NIT2: variants seen among roughly 807,000 people sequenced by gnomAD.
NIT2 encodes the protein nitrilase family member 2, also known as omega-amidase NIT2.
NIT2 carries 46 observed loss-of-function variants against 42.7 expected under a neutral mutation model. The observed-to-expected ratio is 1.08, with a 90% CI of 0.85 to 1.38. NIT2 has a LOEUF of 1.38. NIT2 is among the 40% of genes most tolerant of loss of function. The pLI is 0.00. For synonymous variants in NIT2, 123 were observed against 121.9 expected, an observed-to-expected ratio of 1.01 and a Z score of -0.06; for missense variants, 309 against 342.5, an observed-to-expected ratio of 0.90 and a Z score of 0.77.
chr3:100,339,145 T>C lies in NIT2; in HGVS notation c.66T>C (p.Thr22=). ...QISSIKSDNV[T]RACSFIREAA... The stretch of plus-strand genomic sequence containing the variant: ...CTTCCATCAAATCAGATAACGTCAC[T>C]CGCGCTTGTAGCTTCATCCGGGAGG... Residue 22 remains threonine, a synonymous_variant, in exon 2 of 10, where the codon ACT becomes ACC. Transcript: ENST00000394140. 1.2e-6 allele frequency: 2 copies of C among 1,614,088 alleles called. No homozygotes were observed. The highest frequency in any genetic ancestry group is 1.7e-6 in the Non-Finnish European group (2 of 1,180,002).
intron 8 of NIT2, among the ~76,000 whole-genome samples, chr3:100,352,705 C>CA (rs1315696540): frequency 6.6e-6 from 1 of 152,242 alleles, no homozygotes. Flanking sequence ...ACCCTGCTCT[C>CA]ATGATCAAGC....
chr3:100,349,463 T>A (rs542892531), intron 7 of NIT2: 1 of 152,438 alleles, frequency 6.6e-6, no homozygotes, highest in East Asian at 1.9e-4. Context: ...TGGGAAGGGA[T>A]TTCATTTTTC....
rs369732371 is a variant in NIT2 at position 100,339,159 on chromosome 3, T to C, written c.80T>C (p.Phe27Ser). The part of the protein sequence containing the change: ...KSDNVTRACS[F>S]IREAATQGAK... ...GATAACGTCACTCGCGCTTGTAGCTTCATCCGGGAGGCAGCAACGCAAGGA... is the reference window on the plus strand; with the variant it reads ...GATAACGTCACTCGCGCTTGTAGCTCCATCCGGGAGGCAGCAACGCAAGGA... Residue 27 changes from phenylalanine (F) to serine (S), a missense_variant, in exon 2 of 10, where the codon TTC becomes TCC. Transcript: ENST00000394140. 1.1e-5 allele frequency: 17 copies of C among 1,613,964 alleles called. No homozygotes were observed. The highest frequency in any genetic ancestry group is 1.3e-5 in the African/African-American group (1 of 74,902).
chr3:100,340,078 T>G (rs1194311129), intron 3 of NIT2, 143 bp downstream of exon 3: 2 of 657,220 alleles, frequency 3.0e-6, no homozygotes, highest in Non-Finnish European at 4.9e-6. Context: ...TCTTATTTAT[T>G]TATTTTTTTT....
chr3:100,342,329 CTG>C (rs1706165857), intron 4 of NIT2, among the ~76,000 whole-genome samples: 1 of 152,068 alleles, frequency 6.6e-6, no homozygotes, highest in Non-Finnish European at 1.5e-5. Context: ...TTCTGACAAT[CTG>C]TGTCTTTTAA....
At chr3:100,336,674 C>T (rs1706076758) in intron 1 of NIT2, among the ~76,000 whole-genome samples, 1 of 152,222 alleles carries the variant, frequency 6.6e-6, no homozygotes, top group African/African-American at 2.4e-5. Flanking sequence ...TCTTAAAGAG[C>T]AGTATTGCTG....
At chr3:100,342,044 CA>C (rs954094182) in intron 4 of NIT2, among the ~76,000 whole-genome samples, 17 of 145,674 alleles carry the variant, frequency 1.2e-4, no homozygotes, top group African/African-American at 1.8e-4. Context: ...GACTCCATCT[CA>C]AAAAAAAAAA....
chr3:100,353,100 C>G (rs1208638190), intron 8 of NIT2, among the ~76,000 whole-genome samples: 1 of 152,198 alleles, frequency 6.6e-6, no homozygotes, highest in African/African-American at 2.4e-5. Context: ...ACAACATGGT[C>G]TCAACTTGAA....
chr3:100,353,773 T>TTAG (rs1412056867), intron 8 of NIT2, among the ~76,000 whole-genome samples: 19 of 71,548 alleles, frequency 2.7e-4, no homozygotes, highest in African/African-American at 1.5e-3. Context: ...ATAGTTTCTT[T>TTAG]TTTCTTTTTT....
intron 2 of NIT2, among the ~76,000 whole-genome samples, 187 bp downstream of exon 2, chr3:100,339,392 T>C (rs1706120196): frequency 6.6e-6 from 1 of 152,134 alleles, no homozygotes; most frequent in African/African-American, 2.4e-5. Flanking sequence ...GCCAACACGG[T>C]CATAGGTCTT....
chr3:100,346,810 G>A (rs979108213), intron 6 of NIT2, among the ~76,000 whole-genome samples: 2 of 152,098 alleles, frequency 1.3e-5, no homozygotes, highest in African/African-American at 4.8e-5. Context: ...AAAGCCCCTC[G>A]TGTGGTACTC....
In NIT2 at chr3:100,355,305, A is replaced by G; in HGVS notation, c.*37A>G. ...CTAATGTGTCACAGAATAGGACGAT[A>G]TGATTCTACAACATAATCAACTCCC... is the stretch of plus-strand genomic sequence containing the variant. On this transcript the variant is annotated 3_prime_UTR_variant, in exon 10 of 10. Transcript: ENST00000394140. The G allele has an allele frequency of 2.1e-6, 3 of 1,453,596 alleles. No individual in the cohort carries two copies. The East Asian group carries it at 6.8e-5, about 33-fold the overall frequency. 90.0% of individuals were successfully genotyped at this position (1,453,596 alleles called of 1,614,324 possible). A position where few individuals can be genotyped will look rare whatever the true frequency, so the allele number is the denominator to read the frequency against.
intron 4 of NIT2, among the ~76,000 whole-genome samples, chr3:100,343,306 T>C (rs944591583): frequency 1.3e-5 from 2 of 151,948 alleles, no homozygotes; most frequent in Non-Finnish European, 2.9e-5. Flanking sequence ...TCTGTTCCTT[T>C]TTCTTATGGA....
At chr3:100,335,253 T>G (rs1706055144) in intron 1 of NIT2, 2 of 206,440 alleles carry the variant, frequency 9.7e-6, no homozygotes, top group East Asian at 3.8e-4. Context: ...CTGTGTCACT[T>G]ACTTTGTTCA....
chr3:100,338,521 G>T (rs1231135862), intron 1 of NIT2, among the ~76,000 whole-genome samples: 1 of 152,136 alleles, frequency 6.6e-6, no homozygotes, highest in Non-Finnish European at 1.5e-5. Flanking sequence ...CCAGTAGTGG[G>T]GAAACTGAGA....
rs563413240 is a variant in NIT2 at position 100,360,735 on chromosome 3, G to T, written c.*5467G>T. On this transcript the variant is annotated 3_prime_UTR_variant, in exon 10 of 10. Coordinates refer to ENST00000394140, the MANE Select transcript of NIT2 (RefSeq NM_020202.5). ...ATAAAAGAACACATAGAGATGGGGA[G>T]TCAGTTCTCCATACATTTTGTGAGT... The T allele has an allele frequency of 6.6e-6, 1 of 152,352 alleles. No homozygotes were observed. The highest frequency in any genetic ancestry group is 2.1e-4 in the South Asian group (1 of 4,826). 9.4% of individuals were successfully genotyped at this position (152,352 alleles called of 1,614,324 possible).
intron 1 of NIT2, among the ~76,000 whole-genome samples, chr3:100,336,004 G>T (rs148708219): frequency 0.016 from 2,373 of 152,272 alleles, 29 homozygotes; most frequent in Non-Finnish European, 0.025. Flanking sequence ...ATATCTGTTT[G>T]CCCCAGAATA....
intron 3 of NIT2, 84 bp downstream of exon 3, chr3:100,340,019 C>A: frequency 8.5e-7 from 1 of 1,176,260 alleles, no homozygotes; most frequent in Non-Finnish European, 1.2e-6. Flanking sequence ...GCCTGTATTC[C>A]CTACTTGGGA....
chr3:100,350,560 T>C (rs1297411107), intron 7 of NIT2, among the ~76,000 whole-genome samples: 1 of 152,212 alleles, frequency 6.6e-6, no homozygotes, highest in Non-Finnish European at 1.5e-5. Flanking sequence ...TTTAGGTGTG[T>C]AATTCTTTGT....
Sources: allele counts gnomAD v4.1 joint callset (sites outside exome capture counted in the v4.1 genomes callset), GRCh38; gene constraint gnomAD v4.1.1; transcripts MANE v1.5; gene names NCBI Gene and HGNC (gene_info 2026-07-23, HGNC 2026-07-21).